Variants in IQGAP1 observed in about 807,000 individuals in gnomAD.
IQGAP1 encodes IQ motif containing GTPase activating protein 1.
IQGAP1 carries 66 observed loss-of-function variants against 215.6 expected under a neutral mutation model. The ratio of observed to expected loss-of-function variants is 0.31; its 90% CI spans 0.25 to 0.38. The LOEUF is 0.38. Among genes scored for constraint, IQGAP1 ranks in the 10% least tolerant of loss-of-function variants. The probability of loss-of-function intolerance (pLI) is 1.00; values close to 1 mark genes in which losing one functional copy is unlikely to be tolerated. For missense variants in IQGAP1, 1,712 were observed against 1,997.1 expected (o/e 0.86, Z 2.72); for synonymous variants, 772 against 728.7 (o/e 1.06, Z -0.96).
chr15:90,476,913 C>A, intron 24 of IQGAP1, 95 bp downstream of exon 24: 1 of 1,431,468 alleles, frequency 7.0e-7, no homozygotes, highest in Non-Finnish European at 9.6e-7. Flanking sequence ...GTATTTTTGA[C>A]TTCCACTGAG....
intron 9 of IQGAP1, among the ~76,000 whole-genome samples, chr15:90,446,648 A>T (rs918420384): frequency 1.3e-5 from 2 of 152,174 alleles, no homozygotes; most frequent in Admixed American, 1.3e-4. Context: ...TGCCAGGAGG[A>T]TATAGGGACT....
chr15:90,471,367 CAGGAAGT>C (rs1317327862), intron 18 of IQGAP1, among the ~76,000 whole-genome samples: 1 of 151,946 alleles, frequency 6.6e-6, no homozygotes, highest in Admixed American at 6.6e-5. Context: ...GCAGTCCAAG[CAGGAAGT>C]AGGAAGAAGG....
intron 1 of IQGAP1, 137 bp from the exon 2 acceptor site, chr15:90,390,636 AG>A: frequency 1.7e-6 from 1 of 581,134 alleles, no homozygotes; most frequent in Non-Finnish European, 3.1e-6. Flanking sequence ...AAGTCATTGT[AG>A]TACACCTGGC....
At chr15:90,485,430 G>A (rs1966113345) in intron 30 of IQGAP1, among the ~76,000 whole-genome samples, 1 of 151,874 alleles carries the variant, frequency 6.6e-6, no homozygotes, top group Admixed American at 6.6e-5. Flanking sequence ...TGGGTTTTTT[G>A]TGTTTGTTTG....
chr15:90,460,464 G>C (rs375615956), intron 15 of IQGAP1, among the ~76,000 whole-genome samples: 42 of 152,260 alleles, frequency 2.8e-4, no homozygotes, highest in African/African-American at 9.9e-4. Flanking sequence ...TTGGAGAAAA[G>C]GCTGTTTGCA....
At chr15:90,499,947 A>T in intron 37 of IQGAP1, 48 bp from the exon 38 acceptor site, 1 of 1,145,608 alleles carries the variant, frequency 8.7e-7, no homozygotes, top group Non-Finnish European at 1.3e-6. Context: ...CACAGACTTG[A>T]TTAACTGTCA....
intron 23 of IQGAP1, among the ~76,000 whole-genome samples, chr15:90,475,069 G>A (rs1205084874): frequency 7.2e-6 from 1 of 138,852 alleles, no homozygotes; most frequent in Non-Finnish European, 1.5e-5. Context: ...GCGTGATCTC[G>A]GCTCACTGCA....
chr15:90,475,031 C>T (rs1165625908), intron 23 of IQGAP1, among the ~76,000 whole-genome samples: 3 of 140,736 alleles, frequency 2.1e-5, no homozygotes, highest in Admixed American at 7.2e-5. Context: ...CGGAGTTTCC[C>T]TCTCGTCGCT....
intron 2 of IQGAP1, among the ~76,000 whole-genome samples, chr15:90,419,371 A>T (rs191894327): frequency 6.6e-6 from 1 of 152,282 alleles, no homozygotes; most frequent in Non-Finnish European, 1.5e-5. Flanking sequence ...TTTAAGTGTC[A>T]TTTATATTGA....
At chr15:90,433,438 TCACC>T (rs1965329753) in intron 4 of IQGAP1, among the ~76,000 whole-genome samples, 1 of 152,212 alleles carries the variant, frequency 6.6e-6, no homozygotes, top group Non-Finnish European at 1.5e-5. Context: ...AATAAGTAAA[TCACC>T]TTCTCACACC....
Position 90,486,015 on chromosome 15 carries a change from C to T in IQGAP1, c.3922-15C>T. ...AGTTGAATGTATAAATGGAGTTGAT[C>T]ATTGGTGTTTGCAGCTCCTGTTGGA... On this transcript the variant is annotated splice_polypyrimidine_tract_variant and intron_variant, in intron 30 of 37. Transcript: ENST00000268182. 6.3e-7 allele frequency: 1 copy of T among 1,596,654 alleles called. No homozygotes were observed. The highest frequency in any genetic ancestry group is 8.6e-7 in the Non-Finnish European group (1 of 1,164,990).
chr15:90,391,010 G>T, intron 2 of IQGAP1, 137 bp downstream of exon 2: 1 of 603,048 alleles, frequency 1.7e-6, no homozygotes, highest in East Asian at 3.0e-5. Context: ...GAGGTGGGGG[G>T]GAATCACTTG....
At chr15:90,392,398 T>G (rs1964647864) in intron 2 of IQGAP1, among the ~76,000 whole-genome samples, 1 of 152,222 alleles carries the variant, frequency 6.6e-6, no homozygotes, top group Admixed American at 6.5e-5. Flanking sequence ...ATTGTGGATT[T>G]CAAGGTTTGG....
At chr15:90,404,277 A>C (rs921578335) in intron 2 of IQGAP1, among the ~76,000 whole-genome samples, 5 of 152,232 alleles carry the variant, frequency 3.3e-5, no homozygotes, top group African/African-American at 1.2e-4. Flanking sequence ...TCAATAATGT[A>C]CATATAAGAA....
intron 3 of IQGAP1, 33 bp from the exon 4 acceptor site, chr15:90,429,556 C>T: frequency 6.8e-7 from 1 of 1,462,794 alleles, no homozygotes; most frequent in African/African-American, 1.4e-5. Context: ...TTCAATACAG[C>T]CAATAATACC....
rs868077553 is a variant in IQGAP1, at chr15:90,422,670, A to G, written c.156-3440A>G. Among the ~76,000 whole-genome samples, 663 of 127,890 alleles carry G rather than the reference A, an allele frequency of 5.2e-3. 19 individuals are homozygous for G. The highest frequency in any genetic ancestry group is 0.019 in the African/African-American group (650 of 33,700). The allele number at this position is 127,890 out of a possible 152,430, so 83.9% of individuals were successfully genotyped here. The stretch of plus-strand genomic sequence containing the variant: ...TGTATATATATATATGTATATATAT[A>G]TATATATATAATTTTTGAGACAGAG... On this transcript the variant is annotated intron_variant, in intron 2 of 37. Coordinates refer to ENST00000268182, the MANE Select transcript of IQGAP1 (RefSeq NM_003870.4).
intron 9 of IQGAP1, among the ~76,000 whole-genome samples, chr15:90,444,681 T>A (rs535100550): frequency 6.6e-6 from 1 of 152,374 alleles, no homozygotes; most frequent in Non-Finnish European, 1.5e-5. Context: ...ATTATCATTT[T>A]GTCACTACTC....
intron 33 of IQGAP1, among the ~76,000 whole-genome samples, chr15:90,489,423 C>T (rs1040564512): frequency 1.3e-5 from 2 of 152,122 alleles, no homozygotes; most frequent in Non-Finnish European, 2.9e-5. Context: ...CCACTGCACC[C>T]GGCCATAGAC....
chr15:90,444,291 T>TA (rs1567128298), intron 9 of IQGAP1, among the ~76,000 whole-genome samples: 13 of 126,248 alleles, frequency 1.0e-4, no homozygotes, highest in African/African-American at 3.9e-4. Flanking sequence ...ATATATATAT[T>TA]TTTTTTTTTC....
Sources: allele counts gnomAD v4.1 joint callset (sites outside exome capture counted in the v4.1 genomes callset), GRCh38; gene constraint gnomAD v4.1.1; transcripts MANE v1.5; gene names NCBI Gene and HGNC (gene_info 2026-07-23, HGNC 2026-07-21).